TENM2: variants seen among roughly 807,000 people sequenced by gnomAD.
TENM2 encodes teneurin transmembrane protein 2, also known as teneurin-2.
Under a neutral mutation model 245.2 loss-of-function variants are expected in TENM2, and 52 were observed. That is an observed-to-expected ratio of 0.21 (90% CI 0.17 to 0.27). The LOEUF is 0.27. Ranked by LOEUF, TENM2 falls within the 10% of genes least tolerant of loss-of-function variation. The pLI is 1.00. For synonymous variants in TENM2, 1,363 were observed against 1,438.9 expected, an observed-to-expected ratio of 0.95 and a Z score of 1.19; for missense variants, 3,046 against 3,666.8, an observed-to-expected ratio of 0.83 and a Z score of 4.37.
intron 2 of TENM2, among the ~76,000 whole-genome samples, chr5:167,743,680 A>G (rs1257176023): frequency 6.6e-6 from 1 of 152,220 alleles, no homozygotes; most frequent in African/African-American, 2.4e-5. Flanking sequence ...TAAGGACACT[A>G]TTATGTTCTT....
At chr5:167,597,055 A>G (rs1776266307) in intron 2 of TENM2, among the ~76,000 whole-genome samples, 1 of 151,864 alleles carries the variant, frequency 6.6e-6, no homozygotes, top group African/African-American at 2.4e-5. Context: ...CCTCACACAC[A>G]TGGAGTTATG....
At chr5:167,361,055 G>T (rs1581841127) in intron 1 of TENM2, among the ~76,000 whole-genome samples, 1 of 152,132 alleles carries the variant, frequency 6.6e-6, no homozygotes, top group Non-Finnish European at 1.5e-5. Flanking sequence ...ACGAATGGGG[G>T]TATTTCTATG....
chr5:166,987,193 T>TA, the TENM2 span, among the ~76,000 whole-genome samples: 2 of 152,326 alleles, frequency 1.3e-5, no homozygotes, highest in East Asian at 3.9e-4. Flanking sequence ...AAAATTGTGT[T>TA]ACGGCTACCC....
Position 168,210,046 on chromosome 5 carries a change from A to G in TENM2, c.3825-1688A>G, listed in dbSNP as rs529632907. Among the ~76,000 whole-genome samples the G allele has an allele frequency of 1.1e-4, 17 of 152,262 alleles. No homozygotes were observed. The South Asian group carries it at 1.5e-3, about 13-fold the overall frequency. ...CACTTTTTCCTCAAAGGGCTCACCT[A>G]AAGAGTCTGTGGTATTAAAACCATG... On this transcript the variant is annotated intron_variant, in intron 19 of 28. Transcript: ENST00000518659.
the TENM2 span, among the ~76,000 whole-genome samples, chr5:167,064,798 AAATAGT>A: frequency 6.6e-6 from 1 of 152,262 alleles, no homozygotes; most frequent in Admixed American, 6.5e-5. Context: ...TGCACATTAC[AAATAGT>A]AACAAAAAAT....
intron 2 of TENM2, among the ~76,000 whole-genome samples, chr5:167,419,468 A>G (rs1302543736): frequency 6.6e-6 from 1 of 152,206 alleles, no homozygotes; most frequent in Non-Finnish European, 1.5e-5. Flanking sequence ...CTCAAAGTAA[A>G]TAAATAAATA....
At chr5:168,126,040 C>A (rs778296627) in intron 11 of TENM2, among the ~76,000 whole-genome samples, 1 of 152,202 alleles carries the variant, frequency 6.6e-6, no homozygotes, top group African/African-American at 2.4e-5. Context: ...CTTGTCCTCG[C>A]GTGAGAGGTC....
At chr5:167,290,502 ACTT>A (rs1754570201) in intron 1 of TENM2, among the ~76,000 whole-genome samples, 1 of 152,180 alleles carries the variant, frequency 6.6e-6, no homozygotes, top group Non-Finnish European at 1.5e-5. Context: ...CCCTAATAAT[ACTT>A]TGGTGCAACA....
chr5:167,440,385 G>C (rs773853299), intron 2 of TENM2, among the ~76,000 whole-genome samples: 23 of 152,124 alleles, frequency 1.5e-4, no homozygotes, highest in Admixed American at 4.6e-4. Flanking sequence ...TCAGCCCATT[G>C]GAAATGGCTT....
chr5:167,473,350 T>C (rs1288724278), intron 2 of TENM2, among the ~76,000 whole-genome samples: 1 of 152,194 alleles, frequency 6.6e-6, no homozygotes, highest in Non-Finnish European at 1.5e-5. Context: ...TGGAGAGAAA[T>C]GAATCTGATA....
At chr5:168,168,743 T>A (rs777002830) in intron 13 of TENM2, among the ~76,000 whole-genome samples, 1 of 151,952 alleles carries the variant, frequency 6.6e-6, no homozygotes, top group Non-Finnish European at 1.5e-5. Context: ...TGTGAATGAC[T>A]TCAGTATGAT....
At chr5:167,102,760 G>C in the TENM2 span, among the ~76,000 whole-genome samples, 1 of 152,236 alleles carries the variant, frequency 6.6e-6, no homozygotes, top group Admixed American at 6.5e-5. Context: ...CCAGGTTCAT[G>C]CGATTTTCCT....
the TENM2 span, among the ~76,000 whole-genome samples, chr5:167,132,885 A>T: frequency 6.6e-6 from 1 of 152,182 alleles, no homozygotes; most frequent in East Asian, 1.9e-4. Context: ...TCAGGGGTAG[A>T]TGTTCACTCC....
intron 3 of TENM2, among the ~76,000 whole-genome samples, chr5:167,883,010 G>A (rs1350637277): frequency 6.6e-6 from 1 of 152,180 alleles, no homozygotes; most frequent in Non-Finnish European, 1.5e-5. Context: ...TCTGTATAGT[G>A]TGGATTTCAT....
chr5:167,706,871 C>T (rs1170359180), intron 2 of TENM2, among the ~76,000 whole-genome samples: 4 of 151,780 alleles, frequency 2.6e-5, no homozygotes, highest in African/African-American at 9.7e-5. Context: ...AAAAATTGGC[C>T]GGGCATGGTG....
chr5:167,694,189 C>A (rs1373252137), intron 2 of TENM2, among the ~76,000 whole-genome samples: 5 of 152,154 alleles, frequency 3.3e-5, no homozygotes, highest in Admixed American at 3.3e-4. Flanking sequence ...CCCAAGTGAG[C>A]CCATTTAACA....
the TENM2 span, among the ~76,000 whole-genome samples, chr5:167,167,285 A>T: frequency 6.6e-6 from 1 of 152,024 alleles, no homozygotes; most frequent in African/African-American, 2.4e-5. Flanking sequence ...TGTAATGATA[A>T]CTCTACAATG....
intron 2 of TENM2, among the ~76,000 whole-genome samples, chr5:167,393,748 T>G (rs1237392095): frequency 6.6e-6 from 1 of 152,084 alleles, no homozygotes; most frequent in African/African-American, 2.4e-5. Context: ...GTGTTGAGAA[T>G]ATAGTGGAAG....
chr5:167,028,912 G>C, the TENM2 span, among the ~76,000 whole-genome samples: 1 of 152,032 alleles, frequency 6.6e-6, no homozygotes. Flanking sequence ...GAACTTATTA[G>C]ATGAGGAGGA....
Sources: gnomAD v4.1 joint callset for allele counts (sites outside exome capture counted in the v4.1 genomes callset) on GRCh38, gnomAD v4.1.1 for gene constraint, MANE v1.5 for transcripts, NCBI Gene and HGNC (gene_info 2026-07-23, HGNC 2026-07-21) for gene names.